PIH1D2: variants seen among roughly 807,000 people sequenced by gnomAD.
PIH1D2 encodes PIH1 domain-containing protein 2.
A neutral mutation model predicts 31.2 loss-of-function variants in PIH1D2; 25 were observed. The ratio of observed to expected loss-of-function variants is 0.80; its 90% confidence interval spans 0.58 to 1.12. The LOEUF is 1.12. Among genes scored for constraint, PIH1D2 ranks in the 50% most tolerant of loss-of-function variants. The pLI is 0.00. For synonymous variants in PIH1D2, 116 were observed against 119.9 expected, an observed-to-expected ratio of 0.97 and a Z score of 0.21; for missense variants, 310 against 356.6, an observed-to-expected ratio of 0.87 and a Z score of 1.05.
In PIH1D2 at chr11:112,070,544, A is replaced by G; in HGVS notation, c.705T>C (p.Tyr235=). ...EIQVEMKMPA[Y]ELKIVHDHSE... ...TGTGATCATGCACAATTTTTAGTTC[A>G]TAGGCTGGCATCTTCATCTCCACCT... The change falls in exon 5 of 6, where the codon TAT becomes TAC. Residue 235 remains tyrosine (Y), a synonymous_variant. Transcript: ENST00000280350. 3 of 1,614,200 alleles carry G rather than the reference A, an allele frequency of 1.9e-6. No homozygotes were observed. The highest frequency in any genetic ancestry group is 1.3e-5 in the African/African-American group (1 of 75,058).
downstream of PIH1D2, chr11:112,064,259 A>G (rs782592509): frequency 1.3e-6 from 2 of 1,509,574 alleles, no homozygotes; most frequent in East Asian, 2.4e-5. Flanking sequence ...TCTAATAAAC[A>G]TTGTTGAGTT....
At chr11:112,062,477 C>T, downstream of PIH1D2, 1 of 1,612,680 alleles carries the variant, frequency 6.2e-7, no homozygotes, top group Non-Finnish European at 8.5e-7. Flanking sequence ...GCAGTTGGAG[C>T]CCAGTGGCTT....
chr11:112,067,710 A>G, downstream of PIH1D2: 12 of 256,104 alleles, frequency 4.7e-5, no homozygotes, highest in South Asian at 4.0e-4. Flanking sequence ...ATATATATAT[A>G]TATTTGACAT....
chr11:112,057,385 T>C, the PIH1D2 span, among the ~76,000 whole-genome samples: 1 of 152,206 alleles, frequency 6.6e-6, no homozygotes, highest in African/African-American at 2.4e-5. Context: ...GTAAGGCATG[T>C]CAAAAGCCAA....
At chr11:112,062,281 TG>T (rs1864681022), downstream of PIH1D2, 5 of 1,021,970 alleles carry the variant, frequency 4.9e-6, no homozygotes, top group South Asian at 7.2e-5. Context: ...TATAGGAGAC[TG>T]GAAGAGTAGA....
the PIH1D2 span, among the ~76,000 whole-genome samples, chr11:112,057,237 T>C: frequency 2.2e-3 from 339 of 152,326 alleles, 1 homozygote; most frequent in Non-Finnish European, 3.9e-3. Flanking sequence ...TCCTTGGGCC[T>C]CCCTATTCCA....
chr11:112,066,594 C>T (rs184749725), downstream of PIH1D2, among the ~76,000 whole-genome samples: 165 of 150,306 alleles, frequency 1.1e-3, no homozygotes, highest in Non-Finnish European at 2.1e-3. Context: ...GCTGAGATTG[C>T]GCCACTGCAT....
downstream of PIH1D2, chr11:112,064,322 A>G: frequency 2.0e-6 from 2 of 999,612 alleles, no homozygotes; most frequent in East Asian, 2.9e-5. Context: ...ACCAGAACTG[A>G]AAGAAAAAAG....
chr11:112,066,121 A>G (rs2135194222), downstream of PIH1D2, among the ~76,000 whole-genome samples: 1 of 152,356 alleles, frequency 6.6e-6, no homozygotes. Flanking sequence ...TTGAACTAGA[A>G]ACTTTATTAC....
At chr11:112,067,779 T>C, downstream of PIH1D2, 1 of 1,460,660 alleles carries the variant, frequency 6.8e-7, no homozygotes, top group Non-Finnish European at 9.1e-7. Context: ...AATTGGTGTT[T>C]AAGATAAACT....
chr11:112,061,067 A>C (rs1555183208), downstream of PIH1D2: 16 of 1,610,160 alleles, frequency 9.9e-6, no homozygotes, highest in East Asian at 3.1e-4. Context: ...CCAATTTAGG[A>C]ATGTTTGGAA....
At chr11:112,065,549 C>T (rs942412874), downstream of PIH1D2, among the ~76,000 whole-genome samples, 9 of 152,032 alleles carry the variant, frequency 5.9e-5, no homozygotes, top group Non-Finnish European at 1.2e-4. Flanking sequence ...AATTTTAGGA[C>T]ATGATACAGT....
At chr11:112,055,216 C>T in the PIH1D2 span, among the ~76,000 whole-genome samples, 8 of 149,108 alleles carry the variant, frequency 5.4e-5, no homozygotes, top group Admixed American at 1.3e-4. Context: ...GACAGTCTTC[C>T]GTAATTCAGT....
downstream of PIH1D2, among the ~76,000 whole-genome samples, chr11:112,061,809 C>T (rs1366346267): frequency 6.6e-6 from 1 of 152,102 alleles, no homozygotes; most frequent in African/African-American, 2.4e-5. Context: ...GGTCTTGATC[C>T]TGACCTCAAA....
At chr11:112,055,692 T>G in the PIH1D2 span, among the ~76,000 whole-genome samples, 1 of 152,032 alleles carries the variant, frequency 6.6e-6, no homozygotes, top group Middle Eastern at 3.4e-3. Context: ...GCATTCCTTT[T>G]CCGTGCTATG....
chr11:112,062,000 C>T (rs1357584533), downstream of PIH1D2, among the ~76,000 whole-genome samples: 5 of 152,080 alleles, frequency 3.3e-5, no homozygotes, highest in Admixed American at 1.3e-4. Flanking sequence ...TGCAGTTAGT[C>T]CTATTTGAGG....
downstream of PIH1D2, chr11:112,064,000 T>G (rs2135183284): frequency 1.7e-6 from 1 of 598,634 alleles, no homozygotes; most frequent in Non-Finnish European, 2.8e-6. Flanking sequence ...GGTACACAAG[T>G]GACACTCCAT....
At chr11:112,073,823 C>CT (rs1865231667) in intron 1 of PIH1D2, 157 bp downstream of exon 1, 1 of 152,354 alleles carries the variant, frequency 6.6e-6, no homozygotes, top group Non-Finnish European at 1.5e-5. Flanking sequence ...CCCACAGCAT[C>CT]TTTAGAATGA....
At position 112,071,033 on chromosome 11, in the gene PIH1D2, C is replaced by T. The variant is rs142249095; in HGVS notation, c.547+5G>A. On this transcript the variant is annotated splice_donor_5th_base_variant and intron_variant, in intron 4 of 5. Coordinates refer to ENST00000280350, the MANE Select transcript of PIH1D2 (RefSeq NM_138789.4). ...TTAATTTTCCATTTACAATCATCAA[C>T]TTACCCCTTCTCATTTTTTCTCTTA... The T allele has an allele frequency of 1.9e-6, 3 of 1,611,182 alleles. No homozygotes were observed. In the East Asian group the frequency reaches 6.7e-5, roughly 36 times the overall value.
Sources: allele counts gnomAD v4.1 joint callset (sites outside exome capture counted in the v4.1 genomes callset), GRCh38; gene constraint gnomAD v4.1.1; transcripts MANE v1.5; gene names NCBI Gene and HGNC (gene_info 2026-07-23, HGNC 2026-07-21).